The following TLE3 variants were observed in gnomAD, a reference collection of about 807,000 sequenced individuals.
The protein encoded by TLE3 is TLE family member 3, transcriptional corepressor, also known as transducin-like enhancer protein 3.
TLE3 carries 14 observed loss-of-function variants against 93.0 expected under a neutral mutation model. The observed-to-expected ratio is 0.15, with a 90% CI of 0.10 to 0.24. TLE3 has a LOEUF of 0.24. Among genes scored for constraint, TLE3 ranks in the 10% least tolerant of loss-of-function variants. The pLI, the probability that TLE3 is intolerant of heterozygous loss-of-function variation, is 1.00. For synonymous variants in TLE3, 451 were observed against 425.0 expected, an observed-to-expected ratio of 1.06 and a Z score of -0.75; for missense variants, 693 against 1,046.6, an observed-to-expected ratio of 0.66 and a Z score of 4.66.
intron 6 of TLE3, among the ~76,000 whole-genome samples, chr15:70,069,086 G>C (rs1880086293): frequency 6.6e-6 from 1 of 152,210 alleles, no homozygotes; most frequent in Non-Finnish European, 1.5e-5. Flanking sequence ...TTTGTGCACT[G>C]CTTGGCAACC....
chr15:70,068,616 G>GTT (rs1341194745), intron 6 of TLE3, among the ~76,000 whole-genome samples: 4 of 152,200 alleles, frequency 2.6e-5, no homozygotes, highest in African/African-American at 9.7e-5. Context: ...GGGAAAGAAG[G>GTT]CTTCAAAGAA....
intron 17 of TLE3, chr15:70,053,007 A>T: frequency 1.8e-6 from 1 of 547,858 alleles, no homozygotes; most frequent in Non-Finnish European, 3.2e-6. Flanking sequence ...GAATGAATCG[A>T]ATTTCCACAG....
At chr15:70,085,830 G>A (rs1468599001) in intron 4 of TLE3, among the ~76,000 whole-genome samples, 5 of 152,240 alleles carry the variant, frequency 3.3e-5, no homozygotes, top group Non-Finnish European at 7.3e-5. Context: ...CAGCGATTGA[G>A]GGATGGGAGA....
At chr15:70,088,109 C>T (rs1478050771) in intron 4 of TLE3, among the ~76,000 whole-genome samples, 1 of 152,230 alleles carries the variant, frequency 6.6e-6, no homozygotes, top group African/African-American at 2.4e-5. Context: ...AAAAGGTGGC[C>T]TCTGCCTAAA....
chr15:70,091,386 G>T (rs2058300554), intron 4 of TLE3, among the ~76,000 whole-genome samples: 1 of 152,234 alleles, frequency 6.6e-6, no homozygotes. Context: ...CTGGTTTTAA[G>T]CTGGCTTTGT....
intron 16 of TLE3, chr15:70,053,607 G>T (rs183463980): frequency 4.1e-4 from 166 of 406,558 alleles, no homozygotes; most frequent in South Asian, 9.8e-4. Context: ...TGGGAAATGG[G>T]GGGGGGAGGT....
chr15:70,062,212 T>G (rs1482007331), intron 8 of TLE3, among the ~76,000 whole-genome samples: 1 of 152,214 alleles, frequency 6.6e-6, no homozygotes, highest in Non-Finnish European at 1.5e-5. Context: ...CCCACAGCCG[T>G]GCAGGAGCGG....
chr15:70,097,453 T>TGCCGCC lies in TLE3; in HGVS notation c.-661_-656dup, dbSNP rs907501738. The TGCCGCC allele has an allele frequency of 6.1e-4, 255 of 416,580 alleles. 2 individuals are homozygous for TGCCGCC. In the East Asian group the frequency reaches 7.2e-3, roughly 12 times the overall value. The allele number at this position is 416,580 out of a possible 1,614,324, so 25.8% of individuals were successfully genotyped here. ...CTGCTGTTCCGTCTGCTACTGCCGC[T>TGCCGCC]GCCGCCGCCGCCGCCGCCGCTGCAA... On this transcript the variant is annotated 5_prime_UTR_variant, in exon 1 of 20. Coordinates refer to ENST00000451782, the MANE Select transcript of TLE3 (RefSeq NM_001105192.3).
In TLE3 at chr15:70,060,189, G is replaced by A. The variant is rs75546149; in HGVS notation, c.714+341C>T. 2.6e-4 allele frequency among the ~76,000 whole-genome samples: 39 copies of A among 152,314 alleles called. No homozygotes were observed. The East Asian group carries it at 7.5e-3, about 29-fold the overall frequency. On this transcript the variant is annotated intron_variant, in intron 9 of 19. Coordinates refer to ENST00000451782, the MANE Select transcript of TLE3 (RefSeq NM_001105192.3). ...GAGGACTATAGGGTCCACATTTTGG[G>A]GGTCACTGGGAGCAGCCCCTTAGAG...
In TLE3 at chr15:70,097,176, G is replaced by A. The variant is rs2058606280; in HGVS notation, c.-378C>T. ...TCCGGCGCGGGGTCCCGAGGCCGGG[G>A]GCCCCTCCTGGGGCGAGCTCGGGCC... On this transcript the variant is annotated 5_prime_UTR_variant, in exon 1 of 20. Coordinates refer to ENST00000451782, the MANE Select transcript of TLE3 (RefSeq NM_001105192.3). The A allele has an allele frequency of 2.4e-6, 1 of 418,872 alleles. No homozygotes were observed. Among genetic ancestry groups the A allele is most frequent in the Non-Finnish European group, 4.1e-6 (1 of 241,382 alleles). The allele number at this position is 418,872 out of a possible 1,614,324, so 25.9% of individuals were successfully genotyped here. A position where few individuals can be genotyped will look rare whatever the true frequency, so the allele number is the denominator to read the frequency against.
rs756487725 is a variant in TLE3, at chr15:70,074,544, C to T, written c.361G>A (p.Ala121Thr). 6 of 1,612,446 alleles carry T rather than the reference C, an allele frequency of 3.7e-6. No individual in the cohort carries two copies. Among genetic ancestry groups the T allele is most frequent in the Admixed American group, 3.3e-5 (2 of 59,742 alleles). Residue 121 changes from alanine to threonine, a missense_variant, in exon 6 of 20, where the codon GCC becomes ACC. Transcript: ENST00000451782. The part of the protein sequence containing the change: ...AKQVTMTELN[A>T]IIGQQQLQAQ... ...GGGAGTCCACGTACCCCGATGATGG[C>T]GTTCAGCTCCGTCATGGTGACCTGC... is the stretch of plus-strand genomic sequence containing the variant.
At chr15:70,069,939 C>A (rs1374129746) in intron 6 of TLE3, among the ~76,000 whole-genome samples, 3 of 152,252 alleles carry the variant, frequency 2.0e-5, no homozygotes, top group Admixed American at 6.5e-5. Context: ...TGCTCAAACA[C>A]AGTGATGTCT....
At chr15:70,052,584 GC>G in intron 17 of TLE3, 60 bp from the exon 18 acceptor site, 1 of 1,555,090 alleles carries the variant, frequency 6.4e-7, no homozygotes, top group South Asian at 1.2e-5. Flanking sequence ...CAAGAGGAGG[GC>G]GGCTCCCAAA....
intron 1 of TLE3, 149 bp from the exon 2 acceptor site, chr15:70,096,410 G>A (rs1596049416): frequency 1.4e-6 from 2 of 1,381,330 alleles, no homozygotes; most frequent in East Asian, 2.5e-5. Flanking sequence ...CTCCGACGGG[G>A]CGGAGGGGGG....
chr15:70,059,437 A>G lies in TLE3; in HGVS notation c.738T>C (p.Asp246=). ...SRYDSDGDKS[D]DLVVDVSNED... Reference sequence around the variant, plus strand: ...CATTGGAAACATCCACCACCAGATCATCACTCTTGTCTCCATCACTGTCCT... The same window carrying G: ...CATTGGAAACATCCACCACCAGATCGTCACTCTTGTCTCCATCACTGTCCT... Residue 246 remains aspartate, a synonymous_variant, in exon 10 of 20, where the codon GAT becomes GAC. Coordinates refer to ENST00000451782, the MANE Select transcript of TLE3 (RefSeq NM_001105192.3). The G allele has an allele frequency of 6.2e-7, 1 of 1,611,324 alleles. No homozygotes were observed. Among genetic ancestry groups the G allele is most frequent in the Non-Finnish European group, 8.5e-7 (1 of 1,178,742 alleles).
chr15:70,072,178 T>C (rs2057217681), intron 6 of TLE3, among the ~76,000 whole-genome samples: 1 of 152,218 alleles, frequency 6.6e-6, no homozygotes, highest in Non-Finnish European at 1.5e-5. Flanking sequence ...AATTCCAATG[T>C]CTGCCTCGAG....
intron 5 of TLE3, 147 bp downstream of exon 5, chr15:70,075,949 G>A (rs899891117): frequency 1.4e-6 from 1 of 713,846 alleles, no homozygotes; most frequent in Admixed American, 2.5e-5. Context: ...AGAAGGCTCT[G>A]GAAATCTCCA....
At chr15:70,060,386 C>T in intron 9 of TLE3, 144 bp downstream of exon 9, 1 of 1,057,114 alleles carries the variant, frequency 9.5e-7, no homozygotes, top group Non-Finnish European at 1.4e-6. Context: ...CCCTGCTCTC[C>T]TCAATAGGGT....
At chr15:70,095,763 T>G in intron 2 of TLE3, 122 bp from the exon 3 acceptor site, 4 of 1,199,048 alleles carry the variant, frequency 3.3e-6, no homozygotes, top group Non-Finnish European at 3.5e-6. Flanking sequence ...GGCGCCCCCA[T>G]TATCCCACAG....
Sources: allele counts gnomAD v4.1 joint callset (sites outside exome capture counted in the v4.1 genomes callset), GRCh38; gene constraint gnomAD v4.1.1; transcripts MANE v1.5; gene names NCBI Gene and HGNC (gene_info 2026-07-23, HGNC 2026-07-21).